MPDZ: variants seen among roughly 807,000 people sequenced by gnomAD.
The protein encoded by MPDZ is multiple PDZ domain crumbs cell polarity complex component.
In MPDZ, 234 loss-of-function variants were observed where a neutral mutation model predicts 239.1. That is an observed-to-expected ratio of 0.98 (90% CI 0.88 to 1.09). MPDZ has a LOEUF of 1.09. MPDZ is among the 50% of genes least tolerant of loss of function. The pLI, the probability that MPDZ is intolerant of heterozygous loss-of-function variation, is 0.00. For missense variants in MPDZ, 3,175 were observed against 2,510.0 expected (o/e 1.26, Z -5.66); for synonymous variants, 1,048 against 881.3 (o/e 1.19, Z -3.35).
chr9:13,113,097 T>A, intron 41 of MPDZ, 43 bp from the exon 42 acceptor site: 5 of 1,496,678 alleles, frequency 3.3e-6, no homozygotes, highest in Non-Finnish European at 2.7e-6. Context: ...TTTATGTTCA[T>A]TCACTTTTTA....
intron 10 of MPDZ, among the ~76,000 whole-genome samples, chr9:13,206,896 C>A (rs1309116722): frequency 6.6e-6 from 1 of 152,066 alleles, no homozygotes; most frequent in African/African-American, 2.4e-5. Flanking sequence ...TAAGGCTAGT[C>A]TTGAACTCCA....
intron 17 of MPDZ, 117 bp downstream of exon 17, chr9:13,188,667 T>C (rs1954480587): frequency 1.3e-6 from 1 of 756,746 alleles, no homozygotes; most frequent in South Asian, 2.6e-5. Context: ...AGTAATCACG[T>C]TGATGAAAAC....
In MPDZ at chr9:13,152,373, C is replaced by T. The variant is rs566106514; in HGVS notation, c.3453-1685G>A. ...ATTCCCACGTATTGTTGGTGGGACC[C>T]GGTGGGAGGTAATTGAATCATGGGG... On this transcript the variant is annotated intron_variant, in intron 24 of 46. Transcript: ENST00000319217. 5.3e-5 allele frequency among the ~76,000 whole-genome samples: 8 copies of T among 152,180 alleles called. No homozygotes were observed. The East Asian group carries it at 5.8e-4, about 11-fold the overall frequency.
intron 5 of MPDZ, 131 bp from the exon 6 acceptor site, chr9:13,222,577 G>C (rs140962002): frequency 2.8e-6 from 2 of 716,724 alleles, no homozygotes; most frequent in Non-Finnish European, 4.6e-6. Context: ...TTTTCCTGCA[G>C]TTCTACTTTA....
chr9:13,115,138 C>A, intron 40 of MPDZ, 110 bp downstream of exon 40: 1 of 836,824 alleles, frequency 1.2e-6, no homozygotes, highest in South Asian at 1.6e-5. Flanking sequence ...CAGTCACTAT[C>A]CCACGCTGCC....
At chr9:13,122,506 T>C (rs1373990298) in intron 36 of MPDZ, among the ~76,000 whole-genome samples, 2 of 151,208 alleles carry the variant, frequency 1.3e-5, no homozygotes, top group African/African-American at 2.4e-5. Flanking sequence ...GTCTACAAAG[T>C]ATCAATTTTT....
chr9:13,264,199 G>C (rs965027048), intron 1 of MPDZ, among the ~76,000 whole-genome samples: 4 of 152,000 alleles, frequency 2.6e-5, no homozygotes, highest in African/African-American at 9.7e-5. Context: ...TTTGGCTTTT[G>C]AAAGTTATTT....
chr9:13,108,909 G>A (rs776771071), intron 46 of MPDZ, 27 bp downstream of exon 46: 6 of 1,605,760 alleles, frequency 3.7e-6, no homozygotes, highest in Admixed American at 1.7e-5. Context: ...TAGGGGAAAA[G>A]AGGGTGGTTA....
In MPDZ at chr9:13,151,419, A is replaced by T. The variant is rs74961811; in HGVS notation, c.3453-731T>A. On this transcript the variant is annotated intron_variant, in intron 24 of 46. Coordinates refer to ENST00000319217, the MANE Select transcript of MPDZ (RefSeq NM_001378778.1). ...CAATTATCTATCAAGAAATGAGTAG[A>T]TAAAATACTATATACATTCAATATT... is the stretch of plus-strand genomic sequence containing the variant. 8.9e-3 allele frequency among the ~76,000 whole-genome samples: 1,348 copies of T among 152,252 alleles called. 25 individuals carry two copies. Among genetic ancestry groups the T allele is most frequent in the African/African-American group, 0.031 (1,287 of 41,552 alleles).
At chr9:13,256,986 A>C (rs1181336687) in intron 1 of MPDZ, among the ~76,000 whole-genome samples, 1 of 152,190 alleles carries the variant, frequency 6.6e-6, no homozygotes, top group East Asian at 1.9e-4. Context: ...GTTTGGTTTC[A>C]GGCATCTACT....
At chr9:13,176,464 G>A in intron 19 of MPDZ, 47 bp from the exon 20 acceptor site, 1 of 1,412,816 alleles carries the variant, frequency 7.1e-7, no homozygotes, top group South Asian at 1.6e-5. Context: ...AATGTGACCA[G>A]AATTACATCA....
intron 46 of MPDZ, 83 bp downstream of exon 46, chr9:13,108,853 G>T: frequency 7.0e-7 from 1 of 1,421,540 alleles, no homozygotes; most frequent in Non-Finnish European, 9.6e-7. Flanking sequence ...CATTACCTCA[G>T]GCCATAAACT....
intron 18 of MPDZ, among the ~76,000 whole-genome samples, chr9:13,185,989 A>G (rs1023696701): frequency 6.6e-6 from 1 of 152,150 alleles, no homozygotes; most frequent in Non-Finnish European, 1.5e-5. Context: ...GTGAAATTGG[A>G]GCAAACAAAT....
chr9:13,124,093 G>A (rs1944769955), intron 35 of MPDZ, among the ~76,000 whole-genome samples: 1 of 152,156 alleles, frequency 6.6e-6, no homozygotes, highest in Non-Finnish European at 1.5e-5. Context: ...GTATAGTAGC[G>A]TATGCTTTAG....
At chr9:13,264,813 C>T (rs115958487) in intron 1 of MPDZ, among the ~76,000 whole-genome samples, 2,084 of 152,288 alleles carry the variant, frequency 0.014, 53 homozygotes, top group African/African-American at 0.045. Context: ...TTAACTCACA[C>T]CAAACATGGT....
chr9:13,132,116 C>G (rs1470637454), intron 32 of MPDZ, among the ~76,000 whole-genome samples: 1 of 152,182 alleles, frequency 6.6e-6, no homozygotes, highest in Non-Finnish European at 1.5e-5. Flanking sequence ...TCTCCAAGGT[C>G]TTGCATTCCT....
At chr9:13,190,568 G>A (rs1021589521) in intron 15 of MPDZ, among the ~76,000 whole-genome samples, 1 of 152,056 alleles carries the variant, frequency 6.6e-6, no homozygotes, top group African/African-American at 2.4e-5. Context: ...CTCGACAGCA[G>A]GATTGTGCGT....
chr9:13,159,850 C>T (rs1950257418), intron 23 of MPDZ, among the ~76,000 whole-genome samples: 1 of 152,148 alleles, frequency 6.6e-6, no homozygotes, highest in East Asian at 1.9e-4. Context: ...GTTTACTCAT[C>T]TTAGTGTGTG....
At chr9:13,179,442 C>T (rs959099969) in intron 19 of MPDZ, among the ~76,000 whole-genome samples, 1 of 152,040 alleles carries the variant, frequency 6.6e-6, no homozygotes, top group Non-Finnish European at 1.5e-5. Flanking sequence ...GTATAACAGT[C>T]CCATGCATTA....
Sources: gnomAD v4.1 joint callset for allele counts (sites outside exome capture counted in the v4.1 genomes callset) on GRCh38, gnomAD v4.1.1 for gene constraint, MANE v1.5 for transcripts, NCBI Gene and HGNC (gene_info 2026-07-23, HGNC 2026-07-21) for gene names.